HOOK1: variants seen among roughly 807,000 people sequenced by gnomAD.
The protein encoded by HOOK1 is hook microtubule tethering protein 1, also known as protein Hook homolog 1.
A neutral mutation model predicts 112.8 loss-of-function variants in HOOK1; 60 were observed. The observed-to-expected ratio is 0.53, with a 90% CI of 0.43 to 0.66. The LOEUF is 0.66. Ranked by LOEUF, HOOK1 falls within the 30% of genes least tolerant of loss-of-function variation. The pLI is 0.00. For missense variants in HOOK1, 770 were observed against 856.0 expected (o/e 0.90, Z 1.25); for synonymous variants, 294 against 283.8 (o/e 1.04, Z -0.36).
intron 8 of HOOK1, among the ~76,000 whole-genome samples, chr1:59,840,645 A>G (rs887734407): frequency 6.6e-6 from 1 of 152,128 alleles, no homozygotes. Flanking sequence ...AATTATTTAG[A>G]TAAGAACTCA....
At chr1:59,841,602 A>G (rs2098401052) in intron 8 of HOOK1, among the ~76,000 whole-genome samples, 1 of 152,086 alleles carries the variant, frequency 6.6e-6, no homozygotes. Context: ...TGTAACATAT[A>G]CCTTCAGACA....
At chr1:59,867,428 T>C (rs928314486) in intron 19 of HOOK1, among the ~76,000 whole-genome samples, 2 of 152,300 alleles carry the variant, frequency 1.3e-5, no homozygotes, top group South Asian at 4.1e-4. Context: ...GGAGCCACAA[T>C]AGTATTTTGG....
At chr1:59,867,888 A>AT (rs1643995161) in intron 19 of HOOK1, among the ~76,000 whole-genome samples, 2 of 152,014 alleles carry the variant, frequency 1.3e-5, no homozygotes, top group African/African-American at 2.4e-5. Context: ...ATTCATTTTG[A>AT]TTTTTTTAAA....
intron 12 of HOOK1, among the ~76,000 whole-genome samples, chr1:59,851,930 T>C (rs2098407360): frequency 1.3e-5 from 2 of 151,756 alleles, no homozygotes. Flanking sequence ...TGAGATGATA[T>C]ATAGTATTTG....
At chr1:59,830,633 G>C (rs2098393214) in intron 3 of HOOK1, among the ~76,000 whole-genome samples, 1 of 151,920 alleles carries the variant, frequency 6.6e-6, no homozygotes, top group South Asian at 2.1e-4. Flanking sequence ...TTTTTATCCA[G>C]TTTGACAATC....
chr1:59,872,371 T>G (rs1014436840), intron 21 of HOOK1, among the ~76,000 whole-genome samples: 5 of 152,204 alleles, frequency 3.3e-5, no homozygotes, highest in Non-Finnish European at 7.3e-5. Flanking sequence ...TAGGTCTGGG[T>G]AAGGCCCCTA....
In HOOK1 at chr1:59,840,271, C is replaced by A. The variant is rs374794307; in HGVS notation, c.538-37C>A. 8.5e-5 allele frequency: 121 copies of A among 1,424,510 alleles called. 2 individuals are homozygous for A. In the African/African-American group the frequency reaches 1.6e-3, roughly 19 times the overall value. The allele number at this position is 1,424,510 out of a possible 1,614,324, so 88.2% of individuals were successfully genotyped here. A position where few individuals can be genotyped will look rare whatever the true frequency, so the allele number is the denominator to read the frequency against. On this transcript the variant is annotated intron_variant, in intron 7 of 21. Coordinates refer to ENST00000371208, the MANE Select transcript of HOOK1 (RefSeq NM_015888.6). ...CTATTTTTCTATATTTGTGTCAAAA[C>A]ACGATTTACTAAGATTTAGGACATT...
chr1:59,849,118 G>C lies in HOOK1; in HGVS notation c.1177G>C (p.Asp393His), dbSNP rs377590186. 1 of 1,609,384 alleles carries C rather than the reference G, an allele frequency of 6.2e-7. No homozygotes were observed. The highest frequency in any genetic ancestry group is 8.5e-7 in the Non-Finnish European group (1 of 1,176,970). Residue 393 changes from aspartate (D) to histidine (H), a missense_variant, in exon 12 of 22, where the codon GAC becomes CAC. By Grantham distance (81) the Asp-to-His change is moderately conservative. This residue lies in a region of HOOK1 where 655 missense variants were observed against 725.9 expected (regional missense o/e 0.90). Transcript: ENST00000371208. ...VKLSSESKRA[D>H]TLAFEMKRLE... ...ACTTTCCTCCGAATCCAAGAGGGCA[G>C]ACACACTAGCGTTTGAAATGAAGCG... is the stretch of plus-strand genomic sequence containing the variant.
chr1:59,849,205 A>G, intron 12 of HOOK1, 22 bp downstream of exon 12: 1 of 1,468,834 alleles, frequency 6.8e-7, no homozygotes, highest in Non-Finnish European at 9.5e-7. Context: ...TATAATTGAT[A>G]AGGAATATTT....
At chr1:59,856,225 A>G (rs1318983996) in intron 12 of HOOK1, among the ~76,000 whole-genome samples, 1 of 149,952 alleles carries the variant, frequency 6.7e-6, no homozygotes, top group Admixed American at 6.7e-5. Context: ...GATTCCAGGC[A>G]TGAGCTACCA....
intron 9 of HOOK1, 66 bp downstream of exon 9, chr1:59,843,664 G>A: frequency 8.0e-7 from 1 of 1,250,242 alleles, no homozygotes; most frequent in Non-Finnish European, 1.1e-6. Context: ...AAAAGTCACA[G>A]TATTAACAGC....
intron 2 of HOOK1, among the ~76,000 whole-genome samples, chr1:59,825,702 A>G (rs1013017664): frequency 6.6e-6 from 1 of 152,180 alleles, no homozygotes; most frequent in Non-Finnish European, 1.5e-5. Flanking sequence ...GTTTGGTCTG[A>G]CTCCAAGTTC....
chr1:59,843,709 C>T, intron 9 of HOOK1, 111 bp downstream of exon 9: 1 of 790,458 alleles, frequency 1.3e-6, no homozygotes, highest in Non-Finnish European at 1.9e-6. Context: ...CTTTAGGATA[C>T]TGATTAAGCT....
intron 1 of HOOK1, among the ~76,000 whole-genome samples, chr1:59,820,184 A>G (rs1414197287): frequency 6.6e-6 from 1 of 152,218 alleles, no homozygotes; most frequent in African/African-American, 2.4e-5. Flanking sequence ...ATTCTGATAC[A>G]TATTGTTTCT....
intron 12 of HOOK1, among the ~76,000 whole-genome samples, 160 bp from the exon 13 acceptor site, chr1:59,858,263 CATACT>C (rs2098411729): frequency 6.6e-6 from 1 of 152,136 alleles, no homozygotes; most frequent in Admixed American, 6.5e-5. Context: ...TATAAAGACA[CATACT>C]ATTTATGTAA....
chr1:59,839,001 T>C (rs534025214), intron 7 of HOOK1, among the ~76,000 whole-genome samples: 1 of 152,306 alleles, frequency 6.6e-6, no homozygotes, highest in South Asian at 2.1e-4. Context: ...AAAGATCAGA[T>C]GGTGGTAGAT....
chr1:59,861,035 C>T (rs192212579), intron 15 of HOOK1, among the ~76,000 whole-genome samples: 1 of 152,132 alleles, frequency 6.6e-6, no homozygotes, highest in East Asian at 1.9e-4. Flanking sequence ...CCTGGCCTCC[C>T]AAAGTGCTGG....
At chr1:59,839,257 G>A (rs1186496700) in intron 7 of HOOK1, among the ~76,000 whole-genome samples, 3 of 152,210 alleles carry the variant, frequency 2.0e-5, no homozygotes, top group East Asian at 3.9e-4. Context: ...AGCTTGATGG[G>A]GATAGCTTTG....
At chr1:59,855,704 A>G (rs967714454) in intron 12 of HOOK1, among the ~76,000 whole-genome samples, 1 of 151,318 alleles carries the variant, frequency 6.6e-6, no homozygotes, top group African/African-American at 2.4e-5. Context: ...TTATATTGGC[A>G]TACTTGATGG....
Sources: allele counts gnomAD v4.1 joint callset (sites outside exome capture counted in the v4.1 genomes callset), GRCh38; gene constraint gnomAD v4.1.1; regional missense constraint gnomAD v4.1.1; transcripts MANE v1.5; gene names NCBI Gene and HGNC (gene_info 2026-07-23, HGNC 2026-07-21).